The following SPATA6 variants were observed in gnomAD, a reference collection of about 807,000 sequenced individuals.
SPATA6 encodes spermatogenesis-associated protein 6.
A neutral mutation model predicts 65.3 loss-of-function variants in SPATA6; 56 were observed. That is an observed-to-expected ratio of 0.86 (90% confidence interval 0.69 to 1.07). The LOEUF (loss-of-function observed/expected upper bound fraction) is 1.07, where lower values mean the gene tolerates loss of function less well. SPATA6 is among the 50% of genes least tolerant of loss of function. The pLI is 0.00. For missense variants in SPATA6, 590 were observed against 594.8 expected (o/e 0.99, Z 0.08); for synonymous variants, 199 against 213.2 (o/e 0.93, Z 0.58).
Position 48,419,228 on chromosome 1 carries a change from A to C in SPATA6, c.239-6077T>G, listed in dbSNP as rs1653090471. On this transcript the variant is annotated intron_variant, in intron 3 of 12. Coordinates refer to ENST00000371847, the MANE Select transcript of SPATA6 (RefSeq NM_019073.4). Reference sequence around the variant, plus strand: ...GTACTACCTCTATTTTACAGATAAAAAACAGAGACTAAAGGCTAATGTTAT... The same window carrying C: ...GTACTACCTCTATTTTACAGATAAACAACAGAGACTAAAGGCTAATGTTAT... Among the ~76,000 whole-genome samples the C allele has an allele frequency of 5.9e-5, 9 of 152,212 alleles. No individual in the cohort carries two copies. The South Asian group carries it at 8.3e-4, about 14-fold the overall frequency.
At chr1:48,367,835 C>T (rs1314284099) in intron 9 of SPATA6, among the ~76,000 whole-genome samples, 2 of 152,132 alleles carry the variant, frequency 1.3e-5, no homozygotes, top group Non-Finnish European at 2.9e-5. Flanking sequence ...TTGATCCTGT[C>T]ATCTTGATGT....
chr1:48,277,727 C>G, the SPATA6 span, among the ~76,000 whole-genome samples: 1 of 152,232 alleles, frequency 6.6e-6, no homozygotes, highest in Non-Finnish European at 1.5e-5. Context: ...CTGCCTGCCT[C>G]TGTAGGCTCC....
intron 9 of SPATA6, 87 bp from the exon 10 acceptor site, chr1:48,359,857 AGT>A: frequency 4.4e-5 from 45 of 1,028,264 alleles, no homozygotes; most frequent in Non-Finnish European, 5.5e-5. Context: ...TATGCATAGT[AGT>A]CATATGCATG....
At chr1:48,461,814 T>C (rs1203887080) in intron 1 of SPATA6, among the ~76,000 whole-genome samples, 1 of 152,162 alleles carries the variant, frequency 6.6e-6, no homozygotes, top group Non-Finnish European at 1.5e-5. Context: ...GAACTAGAAA[T>C]ACCATTTGAC....
At chr1:48,268,465 T>C in the SPATA6 span, among the ~76,000 whole-genome samples, 2 of 152,048 alleles carry the variant, frequency 1.3e-5, no homozygotes, top group South Asian at 2.1e-4. Flanking sequence ...TAGGGTCACT[T>C]CTGCTGAACT....
chr1:48,366,747 C>A (rs1411489422), intron 9 of SPATA6, among the ~76,000 whole-genome samples: 1 of 152,082 alleles, frequency 6.6e-6, no homozygotes, highest in African/African-American at 2.4e-5. Flanking sequence ...AAAAAACCAG[C>A]TCCTGGATTC....
intron 8 of SPATA6, among the ~76,000 whole-genome samples, chr1:48,386,442 T>C (rs1431213283): frequency 6.6e-6 from 1 of 152,218 alleles, no homozygotes; most frequent in Non-Finnish European, 1.5e-5. Flanking sequence ...AGGGGCATTT[T>C]GTACTCCCTT....
the SPATA6 span, among the ~76,000 whole-genome samples, chr1:48,277,052 G>A: frequency 1.4e-5 from 2 of 143,026 alleles, no homozygotes; most frequent in Non-Finnish European, 3.1e-5. Context: ...AACTCTTCTT[G>A]TTGCATTGAT....
At chr1:48,322,894 T>C (rs1645640242) in intron 11 of SPATA6, among the ~76,000 whole-genome samples, 1 of 152,198 alleles carries the variant, frequency 6.6e-6, no homozygotes, top group South Asian at 2.1e-4. Context: ...CCAGTTAGAA[T>C]GGCGATCATT....
intron 9 of SPATA6, among the ~76,000 whole-genome samples, chr1:48,364,690 G>A (rs1423699527): frequency 6.6e-6 from 1 of 152,144 alleles, no homozygotes; most frequent in African/African-American, 2.4e-5. Context: ...TGTAGATTCT[G>A]GATGTTAGCC....
At chr1:48,355,057 G>A (rs1570267556) in intron 11 of SPATA6, among the ~76,000 whole-genome samples, 1 of 152,062 alleles carries the variant, frequency 6.6e-6, no homozygotes, top group South Asian at 2.1e-4. Flanking sequence ...GATGATAAAT[G>A]ATTGTTTTTT....
At chr1:48,261,635 CAG>C in the SPATA6 span, among the ~76,000 whole-genome samples, 1 of 152,004 alleles carries the variant, frequency 6.6e-6, no homozygotes, top group Non-Finnish European at 1.5e-5. Context: ...GACCATCCTG[CAG>C]AGACTTTCAG....
intron 3 of SPATA6, among the ~76,000 whole-genome samples, chr1:48,445,488 G>A (rs919946948): frequency 9.2e-5 from 14 of 151,904 alleles, no homozygotes; most frequent in South Asian, 2.1e-4. Context: ...GTAAAACCCC[G>A]TCTCTACTAA....
At chr1:48,457,641 T>C (rs1290780574) in intron 1 of SPATA6, among the ~76,000 whole-genome samples, 1 of 152,054 alleles carries the variant, frequency 6.6e-6, no homozygotes, top group Non-Finnish European at 1.5e-5. Context: ...AATAATTCAA[T>C]ACCCACAAAA....
At chr1:48,368,301 T>C (rs1419239108) in intron 9 of SPATA6, among the ~76,000 whole-genome samples, 1 of 152,182 alleles carries the variant, frequency 6.6e-6, no homozygotes, top group Non-Finnish European at 1.5e-5. Context: ...AGGAGTATCT[T>C]TGTGGCGTTC....
intron 6 of SPATA6, among the ~76,000 whole-genome samples, chr1:48,403,046 T>C (rs971150607): frequency 2.1e-4 from 32 of 151,806 alleles, no homozygotes; most frequent in African/African-American, 7.2e-4. Flanking sequence ...TATTGTGGCA[T>C]GTACCTGTAG....
intron 11 of SPATA6, among the ~76,000 whole-genome samples, chr1:48,334,139 T>A (rs964115464): frequency 6.6e-6 from 1 of 151,984 alleles, no homozygotes. Context: ...CAGCAATCGA[T>A]AGCCGACCAA....
intron 8 of SPATA6, among the ~76,000 whole-genome samples, chr1:48,394,346 A>C (rs548756482): frequency 3.6e-4 from 55 of 152,262 alleles, no homozygotes; most frequent in South Asian, 1.0e-3. Context: ...TCTTCCAAAG[A>C]AACATCTATA....
At chr1:48,452,871 T>C (rs1057112844) in intron 2 of SPATA6, 123 bp downstream of exon 2, 2 of 1,184,760 alleles carry the variant, frequency 1.7e-6, no homozygotes, top group Admixed American at 3.4e-5. Context: ...GTTACAAATG[T>C]CCTTTTGAAT....
Sources: allele counts gnomAD v4.1 joint callset (sites outside exome capture counted in the v4.1 genomes callset), GRCh38; gene constraint gnomAD v4.1.1; transcripts MANE v1.5; gene names NCBI Gene and HGNC (gene_info 2026-07-23, HGNC 2026-07-21).